Variants in EDA observed in about 807,000 individuals in gnomAD.
EDA encodes ectodysplasin-A.
Under a neutral mutation model 23.6 loss-of-function variants are expected in EDA, and 2 were observed. That is an observed-to-expected ratio of 0.08 (90% confidence interval 0.03 to 0.27). The LOEUF (loss-of-function observed/expected upper bound fraction) is 0.27, where lower values mean the gene tolerates loss of function less well. Ranked by LOEUF, EDA falls within the 10% of genes least tolerant of loss-of-function variation. The pLI is 1.00. For synonymous variants in EDA, 131 were observed against 132.0 expected, an observed-to-expected ratio of 0.99 and a Z score of 0.05; for missense variants, 229 against 324.2, an observed-to-expected ratio of 0.71 and a Z score of 2.26.
intron 1 of EDA, among the ~76,000 whole-genome samples, chrX:69,905,294 T>C (rs1271700419): frequency 8.9e-6 from 1 of 112,146 alleles, no homozygotes; most frequent in African/African-American, 3.2e-5. Context: ...TATTCAGCTT[T>C]CCCATATTTT....
intron 1 of EDA, among the ~76,000 whole-genome samples, chrX:69,687,025 A>G (rs187717109): frequency 2.7e-5 from 3 of 112,095 alleles, no homozygotes; most frequent in Non-Finnish European, 5.6e-5. Context: ...TGGCTGCACC[A>G]TATTACATTT....
At chrX:69,621,217 C>T (rs1291058176) in intron 1 of EDA, among the ~76,000 whole-genome samples, 3 of 112,021 alleles carry the variant, frequency 2.7e-5, no homozygotes, top group Non-Finnish European at 5.6e-5. Context: ...AAGTAAAGAA[C>T]CTCTGAAGCC....
intron 1 of EDA, among the ~76,000 whole-genome samples, chrX:69,684,816 A>G (rs1934491846): frequency 8.9e-6 from 1 of 112,361 alleles, no homozygotes; most frequent in Non-Finnish European, 1.9e-5. Context: ...AAGGAATGCC[A>G]TTTGTTTAGC....
chrX:69,625,547 A>C, intron 1 of EDA, among the ~76,000 whole-genome samples: 1 of 111,082 alleles, frequency 9.0e-6, no homozygotes, highest in Non-Finnish European at 1.9e-5. Flanking sequence ...TTGATTTTTG[A>C]CAAAAGTACC....
chrX:69,776,360 T>C (rs1054728255), intron 1 of EDA, among the ~76,000 whole-genome samples: 7 of 111,367 alleles, frequency 6.3e-5, no homozygotes, highest in African/African-American at 2.3e-4. Context: ...GTGGAGATAA[T>C]TGAATCACGA....
At chrX:70,011,913 A>T (rs748513452) in intron 2 of EDA, among the ~76,000 whole-genome samples, 2 of 112,030 alleles carry the variant, frequency 1.8e-5, no homozygotes, top group Non-Finnish European at 3.8e-5. Context: ...TTGAAGAACC[A>T]GAAGAAAAGT....
chrX:69,798,364 A>G (rs935473267), intron 1 of EDA, among the ~76,000 whole-genome samples: 1 of 111,961 alleles, frequency 8.9e-6, no homozygotes, highest in African/African-American at 3.2e-5. Flanking sequence ...CAGACTATAC[A>G]TTCTTCTCAT....
At chrX:69,906,845 G>A (rs1430290101) in intron 1 of EDA, among the ~76,000 whole-genome samples, 2 of 112,353 alleles carry the variant, frequency 1.8e-5, no homozygotes, top group African/African-American at 6.5e-5. Flanking sequence ...TTAGCTAAAC[G>A]TAATGTCTTT....
intron 1 of EDA, among the ~76,000 whole-genome samples, chrX:69,823,493 T>C (rs1413424093): frequency 1.2e-5 from 1 of 80,364 alleles, no homozygotes; most frequent in Non-Finnish European, 2.3e-5. Flanking sequence ...CATAAATGTC[T>C]TCTTTTGAGA....
intron 1 of EDA, among the ~76,000 whole-genome samples, chrX:69,769,667 A>G (rs901230191): frequency 1.2e-4 from 13 of 111,321 alleles, no homozygotes; most frequent in African/African-American, 4.2e-4. Context: ...TTGGATGATT[A>G]GCTTTATCTC....
intron 2 of EDA, among the ~76,000 whole-genome samples, chrX:69,981,696 T>G (rs192722857): frequency 1.8e-5 from 2 of 112,394 alleles, no homozygotes; most frequent in Admixed American, 9.4e-5. Context: ...CTTTGTGCCC[T>G]CACTTTATGT....
intron 1 of EDA, among the ~76,000 whole-genome samples, chrX:69,902,525 C>G (rs961951104): frequency 7.2e-5 from 8 of 111,474 alleles, no homozygotes; most frequent in African/African-American, 2.6e-4. Context: ...AATGAAACAA[C>G]AAGCTGCTCC....
chrX:69,650,596 G>T (rs551576394), intron 1 of EDA, among the ~76,000 whole-genome samples: 4 of 112,082 alleles, frequency 3.6e-5, no homozygotes, highest in Admixed American at 1.9e-4. Flanking sequence ...TCAACACAAA[G>T]AAATGATAAA....
At chrX:69,879,448 T>C (rs1329488588) in intron 1 of EDA, among the ~76,000 whole-genome samples, 1 of 111,340 alleles carries the variant, frequency 9.0e-6, no homozygotes, top group African/African-American at 3.3e-5. Context: ...AAAGAAAAAA[T>C]ATAATGGTGA....
At chrX:69,702,386 G>T (rs2011558261) in intron 1 of EDA, among the ~76,000 whole-genome samples, 1 of 110,796 alleles carries the variant, frequency 9.0e-6, no homozygotes, top group African/African-American at 3.3e-5. Flanking sequence ...AGAGGGCGGT[G>T]GGGGAGGAGA....
At chrX:69,784,157 ATTTG>A (rs1270812793) in intron 1 of EDA, among the ~76,000 whole-genome samples, 5 of 91,503 alleles carry the variant, frequency 5.5e-5, no homozygotes, top group African/African-American at 1.9e-4. Context: ...TTTCTTGTAA[ATTTG>A]TTTGAGTTCA....
At chrX:69,971,734 C>T (rs1000285307) in intron 2 of EDA, among the ~76,000 whole-genome samples, 29 of 110,027 alleles carry the variant, frequency 2.6e-4, no homozygotes, top group African/African-American at 7.9e-4. Flanking sequence ...GTGCTTCTCG[C>T]GTCTTCACAG....
intron 1 of EDA, chrX:69,617,584 C>T (rs1226313157): frequency 3.9e-5 from 9 of 231,363 alleles, no homozygotes; most frequent in Non-Finnish European, 7.2e-5. Flanking sequence ...TGTTTGTTTT[C>T]TATTCTATTC....
chrX:69,634,395 C>T (rs1381398429), intron 1 of EDA, among the ~76,000 whole-genome samples: 1 of 111,309 alleles, frequency 9.0e-6, no homozygotes, highest in African/African-American at 3.3e-5. Flanking sequence ...TCACTGCGAC[C>T]TCCATCTCCT....
Sources: gnomAD v4.1 joint callset for allele counts (sites outside exome capture counted in the v4.1 genomes callset) on GRCh38, gnomAD v4.1.1 for gene constraint, MANE v1.5 for transcripts, NCBI Gene and HGNC (gene_info 2026-07-23, HGNC 2026-07-21) for gene names.